EML2: variants seen among roughly 807,000 people sequenced by gnomAD.
The protein encoded by EML2 is echinoderm microtubule-associated protein-like 2.
In EML2, 59 loss-of-function variants were observed where a neutral mutation model predicts 84.7. The observed-to-expected ratio is 0.70, with a 90% CI of 0.56 to 0.86. The LOEUF (loss-of-function observed/expected upper bound fraction) is 0.86. Among genes scored for constraint, EML2 ranks in the 40% least tolerant of loss-of-function variants. The pLI is 0.00. For missense variants in EML2, 818 were observed against 855.6 expected, an observed-to-expected ratio of 0.96 and a Z score of 0.55; for synonymous variants, 352 against 348.9, an observed-to-expected ratio of 1.01 and a Z score of -0.10.
chr19:45,610,490 G>A (rs943074787), intron 18 of EML2, among the ~76,000 whole-genome samples: 1 of 151,632 alleles, frequency 6.6e-6, no homozygotes, highest in African/African-American at 2.4e-5. Context: ...ATCACTTGAG[G>A]TCAGGAGTTC....
rs558682800 is a variant in EML2, at chr19:45,632,930, G to C, written c.441C>G (p.Leu147=). 1 of 1,614,238 alleles carries C rather than the reference G, an allele frequency of 6.2e-7. No homozygotes were observed. Among genetic ancestry groups the C allele is most frequent in the South Asian group, 1.1e-5 (1 of 91,074 alleles). Residue 147 remains leucine (L), a synonymous_variant, in exon 6 of 19, where the codon CTC becomes CTG. Transcript: ENST00000245925. The stretch of plus-strand genomic sequence containing the variant: ...CCAAGCCCAGCACGTGTAAGGTGGA[G>C]AGGGAAACTGAGTCCCAGATGCGCA... ...PHVRIWDSVS[L]STLHVLGLGV...
Position 45,619,062 on chromosome 19 carries a change from C to T in EML2, c.1252G>A (p.Glu418Lys), listed in dbSNP as rs749850662. The change falls in exon 12 of 19, where the codon GAG becomes AAG. Residue 418 changes from glutamate to lysine, a missense_variant and splice_region_variant. Physicochemically the swap from Glu to Lys is moderately conservative, Grantham distance 56 (BLOSUM62 1). Transcript: ENST00000245925. Reference protein sequence around the residue: ...SHQPLWSRIIEDPARSAGFHP... With the variant: ...SHQPLWSRIIKDPARSAGFHP... ...TTTCCAGTCCCCGGGCCCCTTACCT[C>T]GATGATCCTGCTCCACAGGGGCTGG... 1.4e-5 allele frequency: 22 copies of T among 1,608,558 alleles called. No individual in the cohort carries two copies. Among genetic ancestry groups the T allele is most frequent in the Admixed American group, 3.4e-5 (2 of 59,686 alleles).
At chr19:45,642,405 A>T, upstream of EML2, 1 of 1,507,802 alleles carries the variant, frequency 6.6e-7, no homozygotes, top group East Asian at 2.5e-5. Context: ...TCCAGTGCCC[A>T]AGGGGTCCCT....
At chr19:45,641,491 A>G, upstream of EML2, 2 of 717,340 alleles carry the variant, frequency 2.8e-6, no homozygotes, top group Non-Finnish European at 4.6e-6. Flanking sequence ...CCACCTCAAG[A>G]TTGGTCCCTC....
At chr19:45,642,081 A>G (rs1402682959), upstream of EML2, 7 of 1,452,030 alleles carry the variant, frequency 4.8e-6, no homozygotes, top group African/African-American at 1.0e-4. Flanking sequence ...GGGTGAGTAT[A>G]AGGACCAGGC....
chr19:45,611,423 A>G (rs1174918287), intron 18 of EML2, among the ~76,000 whole-genome samples: 1 of 151,988 alleles, frequency 6.6e-6, no homozygotes, highest in Non-Finnish European at 1.5e-5. Context: ...AAAAAAAAAA[A>G]GAAGAAGAAA....
At position 45,637,645 on chromosome 19, in the gene EML2, ATTTTTTTTTTCTTTTTCTTTT is replaced by A. The variant is rs773927306; in HGVS notation, c.179+839_179+859del. ...CAGGAGCATGCCACCATGGCTGGCT[ATTTTTTTTTTCTTTTTCTTTT>A]CTTTTTTTTTTTTTTTTTTTTTTTT... On this transcript the variant is annotated intron_variant, in intron 3 of 18. Transcript: ENST00000245925. Among the ~76,000 whole-genome samples the A allele has an allele frequency of 6.6e-4, 53 of 80,204 alleles. 1 individual carries two copies. Among genetic ancestry groups the A allele is most frequent in the Non-Finnish European group, 1.1e-3 (43 of 39,752 alleles). 52.6% of individuals were successfully genotyped at this position (80,204 alleles called of 152,430 possible). A position where few individuals can be genotyped will look rare whatever the true frequency, so the allele number is the denominator to read the frequency against.
chr19:45,630,203 C>T (rs1467374005), intron 6 of EML2, among the ~76,000 whole-genome samples, 157 bp from the exon 7 acceptor site: 1 of 151,852 alleles, frequency 6.6e-6, no homozygotes, highest in Non-Finnish European at 1.5e-5. Context: ...AGTTTGAGGC[C>T]AGCATAGGCA....
chr19:45,617,539 TA>T (rs1971234115), intron 13 of EML2, 90 bp downstream of exon 13: 6 of 1,183,560 alleles, frequency 5.1e-6, no homozygotes, highest in Non-Finnish European at 7.3e-6. Context: ...GCTCGGTAAA[TA>T]GTGGGATTTG....
chr19:45,645,391 C>T (rs1416419995), upstream of EML2: 1 of 1,504,936 alleles, frequency 6.6e-7, no homozygotes, highest in Non-Finnish European at 8.8e-7. Context: ...GGGCCCGGTC[C>T]CCCCAACCAG....
intron 13 of EML2, 29 bp downstream of exon 13, chr19:45,617,601 G>C (rs1971238887): frequency 1.2e-6 from 2 of 1,601,168 alleles, no homozygotes. Flanking sequence ...AGCAGAGAAG[G>C]CCTCCCGAAA....
chr19:45,615,742 C>T (rs918513405), intron 16 of EML2, 60 bp downstream of exon 16: 2 of 1,424,356 alleles, frequency 1.4e-6, no homozygotes, highest in Non-Finnish European at 2.0e-6. Flanking sequence ...CCTCCCAGAA[C>T]TCAGGGAAGT....
chr19:45,638,093 ATCAGTCCC>A (rs1973983811), intron 3 of EML2, among the ~76,000 whole-genome samples: 1 of 152,194 alleles, frequency 6.6e-6, no homozygotes, highest in Non-Finnish European at 1.5e-5. Flanking sequence ...TTAGTGTTTT[ATCAGTCCC>A]TGTGCATGGG....
chr19:45,614,374 C>T (rs560398557), intron 17 of EML2, among the ~76,000 whole-genome samples: 2 of 152,280 alleles, frequency 1.3e-5, no homozygotes, highest in East Asian at 1.9e-4. Context: ...GCTAGGGCAC[C>T]GGCAGTGTGG....
At chr19:45,638,259 C>T (rs1014357428) in intron 3 of EML2, among the ~76,000 whole-genome samples, 6 of 152,238 alleles carry the variant, frequency 3.9e-5, no homozygotes, top group Admixed American at 3.9e-4. Context: ...CCATCTCTGT[C>T]AGACTCCAGA....
At chr19:45,617,571 G>A in intron 13 of EML2, 59 bp downstream of exon 13, 3 of 1,473,038 alleles carry the variant, frequency 2.0e-6, no homozygotes, top group Non-Finnish European at 1.9e-6. Flanking sequence ...AAAGAGGGAA[G>A]AAGGGCCAGT....
chr19:45,644,893 C>G, upstream of EML2: 1 of 430,512 alleles, frequency 2.3e-6, no homozygotes, highest in South Asian at 1.7e-5. Flanking sequence ...TCCACCCCCA[C>G]CCCCTCTGTC....
chr19:45,616,310 G>A, intron 15 of EML2, 151 bp downstream of exon 15: 2 of 613,086 alleles, frequency 3.3e-6, no homozygotes, highest in East Asian at 5.5e-5. Context: ...ACACGAGGTG[G>A]TGAATGTGTG....
intron 6 of EML2, 112 bp downstream of exon 6, chr19:45,632,749 A>T: frequency 1.1e-6 from 1 of 897,068 alleles, no homozygotes; most frequent in Non-Finnish European, 1.7e-6. Flanking sequence ...GAGGCGGGCC[A>T]CGCCTCCAGC....
Sources: gnomAD v4.1 joint callset for allele counts (sites outside exome capture counted in the v4.1 genomes callset) on GRCh38, gnomAD v4.1.1 for gene constraint, MANE v1.5 for transcripts, NCBI Gene and HGNC (gene_info 2026-07-23, HGNC 2026-07-21) for gene names.